Variants in PCDHA8 observed in about 807,000 individuals in gnomAD.
PCDHA8 encodes protocadherin alpha-8.
A neutral mutation model predicts 61.8 loss-of-function variants in PCDHA8; 53 were observed. The observed-to-expected ratio is 0.86, with a 90% CI of 0.69 to 1.08. The LOEUF is 1.08. Ranked by LOEUF, PCDHA8 falls within the 50% of genes least tolerant of loss-of-function variation. The probability of loss-of-function intolerance (pLI) is 0.00; values close to 1 mark genes in which losing one functional copy is unlikely to be tolerated. For missense variants in PCDHA8, 1,293 were observed against 1,245.0 expected (o/e 1.04, Z -0.58); for synonymous variants, 618 against 556.6 (o/e 1.11, Z -1.55).
Position 140,841,887 on chromosome 5 carries a change from A to G in PCDHA8, c.566A>G (p.Asn189Ser), listed in dbSNP as rs2150324801. The part of the protein sequence containing the change: ...MLDVNSKNDE[N>S]KLVELVLRKS... ...GATGTGAATTCAAAGAACGATGAGA[A>G]TAAACTGGTTGAGCTCGTATTAAGA... The change falls in exon 1 of 4, where the codon AAT (asparagine) becomes AGT (serine). Residue 189 changes from asparagine to serine, a missense_variant. By Grantham distance (46) the Asn-to-Ser change is conservative. Transcript: ENST00000531613. 3 of 1,613,824 alleles carry G rather than the reference A, an allele frequency of 1.9e-6. No homozygotes were observed. Among genetic ancestry groups the G allele is most frequent in the Non-Finnish European group, 2.5e-6 (3 of 1,179,830 alleles).
At chr5:141,005,960 TA>T (rs1322848010) in intron 3 of PCDHA8, among the ~76,000 whole-genome samples, 2 of 151,500 alleles carry the variant, frequency 1.3e-5, no homozygotes, top group Non-Finnish European at 2.9e-5. Context: ...CAAACAACAA[TA>T]AAAAAACAAT....
At chr5:140,915,189 C>T (rs782151020) in intron 1 of PCDHA8, among the ~76,000 whole-genome samples, 21 of 152,010 alleles carry the variant, frequency 1.4e-4, no homozygotes, top group African/African-American at 4.1e-4. Context: ...CCTAGTGATC[C>T]GCCCATCTTG....
At chr5:140,932,039 CAT>C (rs2087970987) in intron 1 of PCDHA8, among the ~76,000 whole-genome samples, 1 of 151,816 alleles carries the variant, frequency 6.6e-6, no homozygotes, top group South Asian at 2.1e-4. Context: ...TATATATTAA[CAT>C]AGCCTGTAAT....
rs2150318680 is a variant in PCDHA8 at position 140,841,591 on chromosome 5, C to T, written c.270C>T (p.Ile90=). ...GCATTTTGTTTGTGAATTCTCGGAT[C>T]GACCGCGAGGAGCTGTGCGGGCGGA... ...QNGILFVNSR[I]DREELCGRSA... is the part of the protein sequence containing the mutation. The change falls in exon 1 of 4, where the codon ATC becomes ATT. Residue 90 remains isoleucine, a synonymous_variant. Coordinates refer to ENST00000531613, the MANE Select transcript of PCDHA8 (RefSeq NM_018911.3). 6.2e-7 allele frequency: 1 copy of T among 1,614,046 alleles called. No homozygotes were observed. Among genetic ancestry groups the T allele is most frequent in the Admixed American group, 1.7e-5 (1 of 60,002 alleles).
chr5:140,985,498 C>G (rs540282855), intron 3 of PCDHA8, among the ~76,000 whole-genome samples: 2 of 152,274 alleles, frequency 1.3e-5, no homozygotes, highest in African/African-American at 4.8e-5. Flanking sequence ...ATAGAGCCTG[C>G]CTTTCATTGA....
At chr5:140,878,806 G>A (rs1413152690) in intron 1 of PCDHA8, among the ~76,000 whole-genome samples, 1 of 152,144 alleles carries the variant, frequency 6.6e-6, no homozygotes, top group African/African-American at 2.4e-5. Context: ...AAAAACATAT[G>A]GGGGTCTTGC....
chr5:140,869,401 G>T, intron 1 of PCDHA8: 1 of 1,614,222 alleles, frequency 6.2e-7, no homozygotes, highest in South Asian at 1.1e-5. Flanking sequence ...CGGGCAGAGC[G>T]CGGAGTGCAG....
Position 141,009,759 on chromosome 5 carries a change from GATCTCCTGCAATCATCTCC to G in PCDHA8, c.2679_2697del (p.Pro894GlyfsTer15). 6.2e-7 allele frequency: 1 copy of G among 1,614,082 alleles called. No individual in the cohort carries two copies. The highest frequency in any genetic ancestry group is 8.5e-7 in the Non-Finnish European group (1 of 1,180,014). On this transcript the variant is annotated frameshift_variant, in exon 4 of 4. Transcript: ENST00000531613. LOFTEE classifies it high-confidence loss of function. Reference sequence around the variant, plus strand: ...TTGCCCGACAAATTCATTATCCCAGGATCTCCTGCAATCATCTCCATCCGGCAGGAGCCTACTAACAGCC... The same window carrying G: ...TTGCCCGACAAATTCATTATCCCAGGATCCGGCAGGAGCCTACTAACAGCC...
At chr5:140,927,004 A>C (rs1194923615) in intron 1 of PCDHA8, 1 of 1,612,238 alleles carries the variant, frequency 6.2e-7, no homozygotes, top group Non-Finnish European at 8.5e-7. Flanking sequence ...AGCCGTAGGC[A>C]ATCTCTCCGC....
intron 1 of PCDHA8, among the ~76,000 whole-genome samples, chr5:140,911,441 T>C (rs2075476385): frequency 6.6e-6 from 1 of 152,154 alleles, no homozygotes. Context: ...TTTCCCGCAA[T>C]TTCAGCTCTT....
At chr5:140,913,166 G>C (rs1357125827) in intron 1 of PCDHA8, among the ~76,000 whole-genome samples, 2 of 152,160 alleles carry the variant, frequency 1.3e-5, no homozygotes, top group African/African-American at 4.8e-5. Flanking sequence ...ATTGGTATTA[G>C]TTCTTCTTTA....
At chr5:140,879,234 G>A (rs1483424901) in intron 1 of PCDHA8, among the ~76,000 whole-genome samples, 1 of 152,180 alleles carries the variant, frequency 6.6e-6, no homozygotes, top group Non-Finnish European at 1.5e-5. Flanking sequence ...ACATATACAA[G>A]AGGCACTGGC....
rs1554262618 is a variant in PCDHA8, at chr5:141,009,958, C to T, written c.*21C>T. On this transcript the variant is annotated 3_prime_UTR_variant, in exon 4 of 4. Transcript: ENST00000531613. The stretch of plus-strand genomic sequence containing the variant: ...AGTGAGGTCCTCAAATGGAAACAAG[C>T]CACTTAGCCAGTTTTTGTAATAATG... 1.3e-6 allele frequency: 2 copies of T among 1,589,012 alleles called. No homozygotes were observed. The highest frequency in any genetic ancestry group is 1.7e-6 in the Non-Finnish European group (2 of 1,171,000).
chr5:140,842,322 G>A lies in PCDHA8; in HGVS notation c.1001G>A (p.Cys334Tyr). 6.2e-7 allele frequency: 1 copy of A among 1,607,612 alleles called. No homozygotes were observed. The highest frequency in any genetic ancestry group is 8.5e-7 in the Non-Finnish European group (1 of 1,174,332). ...GGCCATCCTCCCATGGCGGGTCATT[G>A]CACCGTTTTAGTGAGAATTTTGGAT... ...DKGHPPMAGH[C>Y]TVLVRILDKN... is the part of the protein sequence containing the mutation. The change falls in exon 1 of 4, where the codon TGC (cysteine) becomes TAC (tyrosine). Residue 334 changes from cysteine to tyrosine, a missense_variant. Coordinates refer to ENST00000531613, the MANE Select transcript of PCDHA8 (RefSeq NM_018911.3).
In PCDHA8 at chr5:140,842,884, G is replaced by T; in HGVS notation, c.1563G>T (p.Gln521His). Residue 521 changes from glutamine (Q) to histidine (H), a missense_variant, in exon 1 of 4, where the codon CAG becomes CAT. Gln to His is a conservative substitution (Grantham distance 24). Coordinates refer to ENST00000531613, the MANE Select transcript of PCDHA8 (RefSeq NM_018911.3). ...AGAGCGGCAAGGTGTACGCGCTGCA[G>T]CCGCTGGACCACGAGGAGCTAGAGC... is the stretch of plus-strand genomic sequence containing the variant. ...HTESGKVYAL[Q>H]PLDHEELELL... 1 of 1,594,190 alleles carries T rather than the reference G, an allele frequency of 6.3e-7. No homozygotes were observed. The highest frequency in any genetic ancestry group is 1.1e-5 in the South Asian group (1 of 90,450).
chr5:140,957,827 T>C (rs2095387768), intron 1 of PCDHA8, among the ~76,000 whole-genome samples: 1 of 150,810 alleles, frequency 6.6e-6, no homozygotes, highest in Admixed American at 6.7e-5. Flanking sequence ...TAAGAGAAAG[T>C]GTTAATTGAT....
intron 1 of PCDHA8, 66 bp from the exon 2 acceptor site, chr5:140,978,883 T>C: frequency 6.2e-7 from 1 of 1,611,182 alleles, no homozygotes; most frequent in Non-Finnish European, 8.5e-7. Flanking sequence ...ACTAATCAAT[T>C]AGCAGCATTC....
In PCDHA8 at chr5:140,883,821, A is replaced by G. The variant is rs376667172; in HGVS notation, c.2394+40106A>G. 3 of 1,612,334 alleles carry G rather than the reference A, an allele frequency of 1.9e-6. No homozygotes were observed. Among genetic ancestry groups the G allele is most frequent in the Non-Finnish European group, 2.5e-6 (3 of 1,179,764 alleles). The stretch of plus-strand genomic sequence containing the variant: ...GTGCACGCGGAGAGCGGCAAGGTGT[A>G]CGCGCTGCAGCCGTTGGACCACGAG... On this transcript the variant is annotated intron_variant, in intron 1 of 3. Coordinates refer to ENST00000531613, the MANE Select transcript of PCDHA8 (RefSeq NM_018911.3).
chr5:140,940,610 G>A (rs1394761541), intron 1 of PCDHA8, among the ~76,000 whole-genome samples: 1 of 151,836 alleles, frequency 6.6e-6, no homozygotes, highest in Non-Finnish European at 1.5e-5. Context: ...GCTGCTCCTG[G>A]CTCCTGCAAA....
Sources: allele counts gnomAD v4.1 joint callset (sites outside exome capture counted in the v4.1 genomes callset), GRCh38; gene constraint gnomAD v4.1.1; transcripts MANE v1.5; gene names NCBI Gene and HGNC (gene_info 2026-07-23, HGNC 2026-07-21).